Variants in KAZN observed in about 807,000 individuals in gnomAD.
KAZN encodes the protein kazrin.
In KAZN, 40 loss-of-function variants were observed where a neutral mutation model predicts 87.4. The ratio of observed to expected loss-of-function variants is 0.46; its 90% CI spans 0.36 to 0.60. The LOEUF is 0.60. Ranked by LOEUF, KAZN falls within the 20% of genes least tolerant of loss-of-function variation. The pLI, the probability that KAZN is intolerant of heterozygous loss-of-function variation, is 0.00. For missense variants in KAZN, 898 were observed against 1,073.9 expected, an observed-to-expected ratio of 0.84 and a Z score of 2.29; for synonymous variants, 466 against 458.3, an observed-to-expected ratio of 1.02 and a Z score of -0.22.
At chr1:14,790,364 T>G (rs1008190795) in intron 1 of KAZN, among the ~76,000 whole-genome samples, 1 of 152,104 alleles carries the variant, frequency 6.6e-6, no homozygotes, top group Non-Finnish European at 1.5e-5. Flanking sequence ...TAAAGGGGCT[T>G]TTTCCACTTT....
chr1:13,898,149 T>A (rs905057426), intron 1 of KAZN, among the ~76,000 whole-genome samples: 1 of 152,208 alleles, frequency 6.6e-6, no homozygotes, highest in African/African-American at 2.4e-5. Context: ...TCTGAGGATG[T>A]TGGGGGGACC....
At chr1:14,975,131 C>T (rs941325694) in intron 2 of KAZN, among the ~76,000 whole-genome samples, 4 of 152,138 alleles carry the variant, frequency 2.6e-5, no homozygotes, top group African/African-American at 7.2e-5. Context: ...GCAGAGTCCT[C>T]GAAGACAGGC....
At chr1:14,297,625 C>T (rs1654227383) in intron 2 of KAZN, among the ~76,000 whole-genome samples, 1 of 152,016 alleles carries the variant, frequency 6.6e-6, no homozygotes, top group Non-Finnish European at 1.5e-5. Context: ...ACTGTTCTCT[C>T]CACCATCCAC....
intron 4 of KAZN, among the ~76,000 whole-genome samples, chr1:15,055,349 T>TG (rs573242493): frequency 1.1e-4 from 16 of 152,294 alleles, no homozygotes; most frequent in African/African-American, 3.6e-4. Flanking sequence ...TGGTGGCACA[T>TG]GCCTGTAATC....
chr1:15,094,127 C>T lies in KAZN; in HGVS notation c.1223-53C>T. 3 of 1,559,616 alleles carry T rather than the reference C, an allele frequency of 1.9e-6. No individual in the cohort carries two copies. Among genetic ancestry groups the T allele is most frequent in the South Asian group, 2.3e-5 (2 of 86,916 alleles). ...CTCCCGGGGGTATGGCCTGCCCAGCCCCTGCCCCCAGCAGCCTCGTCCCCC... is the reference window on the plus strand; with the variant it reads ...CTCCCGGGGGTATGGCCTGCCCAGCTCCTGCCCCCAGCAGCCTCGTCCCCC... On this transcript the variant is annotated intron_variant, in intron 8 of 14. Coordinates refer to ENST00000376030, the MANE Select transcript of KAZN (RefSeq NM_201628.3). The surrounding 1 kb of genome is among the most constrained non-coding windows in gnomAD (Gnocchi z 4.5).
chr1:14,968,461 C>G (rs1208344116), intron 2 of KAZN, among the ~76,000 whole-genome samples: 3 of 152,182 alleles, frequency 2.0e-5, no homozygotes, highest in African/African-American at 7.2e-5. Flanking sequence ...CTTGGGGACC[C>G]CGTGTGAAGC....
chr1:14,479,973 CAA>C (rs1277449326), intron 2 of KAZN, among the ~76,000 whole-genome samples: 1 of 152,222 alleles, frequency 6.6e-6, no homozygotes, highest in Non-Finnish European at 1.5e-5. Flanking sequence ...TAAACTCAAT[CAA>C]CAAGCATTTG....
intron 2 of KAZN, among the ~76,000 whole-genome samples, chr1:14,571,416 T>C (rs1289224509): frequency 6.6e-6 from 1 of 152,230 alleles, no homozygotes; most frequent in African/African-American, 2.4e-5. Context: ...GAATTCACTC[T>C]GCAAAAATTG....
intron 1 of KAZN, among the ~76,000 whole-genome samples, chr1:14,675,203 C>A (rs946506229): frequency 2.0e-5 from 3 of 152,156 alleles, no homozygotes. Flanking sequence ...CCACCAGGCC[C>A]CACTGCCTTC....
At chr1:13,951,727 G>A (rs2100998119) in intron 1 of KAZN, among the ~76,000 whole-genome samples, 1 of 152,122 alleles carries the variant, frequency 6.6e-6, no homozygotes, top group East Asian at 1.9e-4. Context: ...GCCAGCACAG[G>A]GTTGCTGTCC....
At chr1:13,922,309 C>T (rs765211305) in intron 1 of KAZN, among the ~76,000 whole-genome samples, 3 of 152,122 alleles carry the variant, frequency 2.0e-5, no homozygotes, top group Non-Finnish European at 4.4e-5. Context: ...ATGTATTAGA[C>T]TTTGGGCCAC....
intron 1 of KAZN, among the ~76,000 whole-genome samples, chr1:14,759,196 C>T (rs1340788043): frequency 2.0e-5 from 3 of 152,322 alleles, no homozygotes; most frequent in South Asian, 2.1e-4. Context: ...GCGTTCCTAT[C>T]TCAGCCTGGC....
intron 2 of KAZN, among the ~76,000 whole-genome samples, chr1:14,556,777 TGA>T (rs1342630066): frequency 2.6e-5 from 4 of 151,598 alleles, no homozygotes; most frequent in African/African-American, 9.7e-5. Flanking sequence ...GAAGAGGGAG[TGA>T]GATTAGATGA....
intron 2 of KAZN, among the ~76,000 whole-genome samples, chr1:14,332,495 A>G (rs1656921449): frequency 6.6e-6 from 1 of 152,190 alleles, no homozygotes; most frequent in Non-Finnish European, 1.5e-5. Flanking sequence ...GACTTCCCTG[A>G]CTGTGCTCCA....
At chr1:14,681,117 A>C (rs1482374017) in intron 1 of KAZN, among the ~76,000 whole-genome samples, 1 of 152,146 alleles carries the variant, frequency 6.6e-6, no homozygotes, top group East Asian at 1.9e-4. Flanking sequence ...GGGGCTGCCC[A>C]AGTCATTCCT....
rs752102453 is a variant in KAZN, at chr1:15,060,252, A to C, written c.997A>C (p.Thr333Pro). ...ASAAEGDRSS[T>P]PSDINSPRHR... ...TGCCGCCGAAGGCGACCGGTCGTCCACACCGAGCGACATCAACTCCCCTCG... is the reference window on the plus strand; with the variant it reads ...TGCCGCCGAAGGCGACCGGTCGTCCCCACCGAGCGACATCAACTCCCCTCG... Residue 333 changes from threonine to proline, a missense_variant, in exon 6 of 15, where the codon ACA (threonine) becomes CCA (proline). Physicochemically the swap from Thr to Pro is conservative, Grantham distance 38. Transcript: ENST00000376030. The C allele has an allele frequency of 6.2e-7, 1 of 1,614,214 alleles. No homozygotes were observed. Among genetic ancestry groups the C allele is most frequent in the Non-Finnish European group, 8.5e-7 (1 of 1,180,030 alleles).
At chr1:14,742,899 G>A (rs577382834) in intron 1 of KAZN, among the ~76,000 whole-genome samples, 4 of 152,270 alleles carry the variant, frequency 2.6e-5, no homozygotes, top group Admixed American at 6.5e-5. Context: ...GCTCAGAGAC[G>A]GAGACTTCCT....
At chr1:14,514,619 A>ATATATTTTATATATTTTTTTATAT (rs1557770568) in intron 2 of KAZN, among the ~76,000 whole-genome samples, 1 of 53,148 alleles carries the variant, frequency 1.9e-5, no homozygotes, top group Non-Finnish European at 3.5e-5. Flanking sequence ...ATATATATAT[A>ATATATTTTATATATTTTTTTATAT]TATATATATA....
At chr1:14,221,348 G>T (rs536501974) in intron 2 of KAZN, among the ~76,000 whole-genome samples, 1 of 152,148 alleles carries the variant, frequency 6.6e-6, no homozygotes, top group African/African-American at 2.4e-5. Context: ...CCTGCCCCTG[G>T]AGTCTTCTGT....
Sources: gnomAD v4.1 joint callset for allele counts (sites outside exome capture counted in the v4.1 genomes callset) on GRCh38, gnomAD v4.1.1 for gene constraint, Gnocchi (gnomAD v3.1) non-coding constraint, MANE v1.5 for transcripts, NCBI Gene and HGNC (gene_info 2026-07-23, HGNC 2026-07-21) for gene names.